PHF21A: variants seen among roughly 807,000 people sequenced by gnomAD.
The protein encoded by PHF21A is BHC80a.
PHF21A carries 11 observed loss-of-function variants against 82.5 expected under a neutral mutation model. The ratio of observed to expected loss-of-function variants is 0.13; its 90% confidence interval spans 0.08 to 0.22. The LOEUF (loss-of-function observed/expected upper bound fraction) is 0.22. PHF21A is among the 10% of genes least tolerant of loss of function. The probability of loss-of-function intolerance (pLI) is 1.00; values close to 1 mark genes in which losing one functional copy is unlikely to be tolerated. For missense variants in PHF21A, 579 were observed against 837.8 expected, an observed-to-expected ratio of 0.69 and a Z score of 3.81; for synonymous variants, 297 against 302.8, an observed-to-expected ratio of 0.98 and a Z score of 0.20.
At chr11:45,957,751 C>CAAAAAAAAAAAAAAAAAAGAAAAA (rs2092766197) in intron 10 of PHF21A, among the ~76,000 whole-genome samples, 1 of 60,892 alleles carries the variant, frequency 1.6e-5, no homozygotes, top group Non-Finnish European at 3.3e-5. Context: ...AAATTCAAAG[C>CAAAAAAAAAAAAAAAAAAGAAAAA]AAAAAAAAAA....
At chr11:46,000,747 C>T (rs2095094960) in intron 6 of PHF21A, among the ~76,000 whole-genome samples, 1 of 151,840 alleles carries the variant, frequency 6.6e-6, no homozygotes, top group Admixed American at 6.6e-5. Context: ...GGGTGAAACC[C>T]CATCTCTACT....
intron 6 of PHF21A, among the ~76,000 whole-genome samples, chr11:46,062,075 C>A (rs1423120193): frequency 6.6e-6 from 1 of 151,810 alleles, no homozygotes; most frequent in East Asian, 1.9e-4. Flanking sequence ...TCCCTGTTTG[C>A]AACTGTTTTT....
intron 15 of PHF21A, among the ~76,000 whole-genome samples, chr11:45,944,217 A>C (rs1390831400): frequency 6.6e-6 from 1 of 152,218 alleles, no homozygotes; most frequent in East Asian, 1.9e-4. Flanking sequence ...TTGTACCTAC[A>C]TAAGACAGTA....
chr11:45,944,320 G>T (rs565345669), intron 15 of PHF21A, among the ~76,000 whole-genome samples: 1 of 152,324 alleles, frequency 6.6e-6, no homozygotes, highest in East Asian at 1.9e-4. Flanking sequence ...TAAAATAAGT[G>T]TGTATGGTAG....
chr11:46,063,571 C>T (rs1449773190), intron 6 of PHF21A, among the ~76,000 whole-genome samples: 1 of 152,128 alleles, frequency 6.6e-6, no homozygotes, highest in African/African-American at 2.4e-5. Flanking sequence ...TTTTACCAAT[C>T]CCTGCCCTAC....
chr11:45,976,370 C>A (rs1209541629), intron 7 of PHF21A, among the ~76,000 whole-genome samples: 2 of 152,118 alleles, frequency 1.3e-5, no homozygotes, highest in African/African-American at 4.8e-5. Context: ...AAAATAGAAA[C>A]TCTCTGATTT....
rs764364203 is a variant in PHF21A at position 45,962,617 on chromosome 11, C to T, written c.996+2698G>A. 1.5e-4 allele frequency among the ~76,000 whole-genome samples: 23 copies of T among 149,786 alleles called. 2 individuals are homozygous for T. The highest frequency in any genetic ancestry group is 1.3e-3 in the Admixed American group (19 of 14,954). ...AAAAGAAGAGAGAACATTGGCCAGG[C>T]GTGGTGGCTCATGCCTGTAATCCCA... On this transcript the variant is annotated intron_variant, in intron 10 of 18. Coordinates refer to ENST00000676320, the MANE Select transcript of PHF21A (RefSeq NM_001352027.3).
chr11:45,964,594 T>C (rs1424574609), intron 10 of PHF21A, among the ~76,000 whole-genome samples: 2 of 152,230 alleles, frequency 1.3e-5, no homozygotes, highest in African/African-American at 2.4e-5. Context: ...AGAATGCTTT[T>C]CTTTGCCAAA....
intron 6 of PHF21A, among the ~76,000 whole-genome samples, chr11:46,017,839 G>T (rs2095547051): frequency 6.6e-6 from 1 of 152,104 alleles, no homozygotes. Context: ...AGTGTAAATA[G>T]CCACCCAAAT....
chr11:45,979,671 G>A (rs1591534899), intron 7 of PHF21A, 89 bp downstream of exon 7: 6 of 1,580,022 alleles, frequency 3.8e-6, no homozygotes, highest in African/African-American at 1.3e-5. Context: ...GCTGAGCTTA[G>A]TATAGTGTGA....
chr11:45,957,751 C>CAAAAAAAAAAAAAAA, intron 10 of PHF21A, among the ~76,000 whole-genome samples: 171 of 60,850 alleles, frequency 2.8e-3, no homozygotes, highest in East Asian at 7.9e-3. Flanking sequence ...AAATTCAAAG[C>CAAAAAAAAAAAAAAA]AAAAAAAAAA....
intron 15 of PHF21A, among the ~76,000 whole-genome samples, chr11:45,940,351 A>G (rs1590964774): frequency 6.6e-6 from 1 of 151,738 alleles, no homozygotes; most frequent in South Asian, 2.1e-4. Flanking sequence ...GCCCACCACC[A>G]CGCCTGACTA....
chr11:46,103,635 C>A (rs2097123702), intron 1 of PHF21A, among the ~76,000 whole-genome samples: 1 of 152,084 alleles, frequency 6.6e-6, no homozygotes, highest in South Asian at 2.1e-4. Context: ...TTAGTGAGAA[C>A]AAAAAGTTAA....
chr11:46,082,660 C>T (rs562813002), intron 4 of PHF21A, among the ~76,000 whole-genome samples: 1 of 151,756 alleles, frequency 6.6e-6, no homozygotes, highest in African/African-American at 2.4e-5. Flanking sequence ...TTTGAGTCAA[C>T]AAATGTAAAT....
chr11:45,965,855 C>A (rs923681567), intron 9 of PHF21A, among the ~76,000 whole-genome samples: 1 of 152,144 alleles, frequency 6.6e-6, no homozygotes, highest in African/African-American at 2.4e-5. Context: ...TATACCATGC[C>A]ACCTCTTCTA....
intron 6 of PHF21A, among the ~76,000 whole-genome samples, chr11:46,015,612 C>CT (rs935474360): frequency 6.6e-6 from 1 of 151,928 alleles, no homozygotes; most frequent in Non-Finnish European, 1.5e-5. Flanking sequence ...TATAAAAATA[C>CT]TTTTTTTATC....
rs1194925766 is a variant in PHF21A at position 46,090,471 on chromosome 11, C to A, written c.-100G>T. ...ATGGGTTACCTTATGAGGTAGTGGG[C>A]TCCCTGTCATTAGAAGTATTCAAGA... On this transcript the variant is annotated 5_prime_UTR_variant, in exon 3 of 19. Transcript: ENST00000676320. 1 of 152,092 alleles carries A rather than the reference C, an allele frequency of 6.6e-6. No homozygotes were observed. Among genetic ancestry groups the A allele is most frequent in the Non-Finnish European group, 1.5e-5 (1 of 68,012 alleles). 9.4% of individuals were successfully genotyped at this position (152,092 alleles called of 1,614,324 possible).
At chr11:45,972,618 G>T (rs1469251280) in intron 7 of PHF21A, among the ~76,000 whole-genome samples, 1 of 151,892 alleles carries the variant, frequency 6.6e-6, no homozygotes, top group Non-Finnish European at 1.5e-5. Flanking sequence ...TCTCTACTAA[G>T]AATACAAAAA....
chr11:45,974,614 T>C (rs562257784), intron 7 of PHF21A, among the ~76,000 whole-genome samples: 2 of 106,694 alleles, frequency 1.9e-5, no homozygotes, highest in African/African-American at 5.4e-5. Flanking sequence ...CTACCACACC[T>C]GGCTAATTTT....
Sources: allele counts gnomAD v4.1 joint callset (sites outside exome capture counted in the v4.1 genomes callset), GRCh38; gene constraint gnomAD v4.1.1; transcripts MANE v1.5; gene names NCBI Gene and HGNC (gene_info 2026-07-23, HGNC 2026-07-21).